The following FBXO11 variants were observed in gnomAD, a reference collection of about 807,000 sequenced individuals.
FBXO11 encodes the protein F-box only protein 11.
Under a neutral mutation model 117.0 loss-of-function variants are expected in FBXO11, and 13 were observed. The ratio of observed to expected loss-of-function variants is 0.11; its 90% CI spans 0.07 to 0.18. The LOEUF is 0.18. FBXO11 is among the 10% of genes least tolerant of loss of function. FBXO11 has a pLI of 1.00. For synonymous variants in FBXO11, 490 were observed against 380.5 expected, an observed-to-expected ratio of 1.29 and a Z score of -3.35; for missense variants, 767 against 1,164.4, an observed-to-expected ratio of 0.66 and a Z score of 4.97.
chr2:47,906,314 C>A lies in FBXO11; in HGVS notation c.-594G>T, dbSNP rs1047630196. ...CTTCGGTCTCTTCTCTCTCCTCCCC[C>A]CCTTCTCTCCTCGGCGAAGGGGAAA... On this transcript the variant is annotated 5_prime_UTR_variant, in exon 1 of 23. Transcript: ENST00000403359. 1.1e-4 allele frequency among the ~76,000 whole-genome samples: 16 copies of A among 152,284 alleles called. No individual in the cohort carries two copies. The South Asian group carries it at 1.9e-3, about 18-fold the overall frequency.
Position 47,899,907 on chromosome 2 carries a change from A to G in FBXO11, c.232+5582T>C, listed in dbSNP as rs569364066. On this transcript the variant is annotated intron_variant, in intron 1 of 22. Coordinates refer to ENST00000403359, the MANE Select transcript of FBXO11 (RefSeq NM_001190274.2). ...AAAAGACCTCATGTTGAAATAGCTC[A>G]TTACTGTAAACTGGTTATTTTCAAA... 2.6e-5 allele frequency among the ~76,000 whole-genome samples: 4 copies of G among 151,186 alleles called. No individual in the cohort carries two copies. In the East Asian group the frequency reaches 7.9e-4, roughly 30 times the overall value.
chr2:47,871,664 G>T (rs1055454919), intron 1 of FBXO11, among the ~76,000 whole-genome samples: 1 of 151,974 alleles, frequency 6.6e-6, no homozygotes, highest in Non-Finnish European at 1.5e-5. Flanking sequence ...TTTATATTAG[G>T]GTGGCTATCT....
At chr2:47,833,186 C>T (rs1328666710) in intron 7 of FBXO11, 116 bp from the exon 8 acceptor site, 9 of 650,338 alleles carry the variant, frequency 1.4e-5, no homozygotes, top group South Asian at 9.4e-5. Context: ...CTAATATTCA[C>T]TATCAGTTAA....
At chr2:47,860,433 C>CA (rs1393596864) in intron 1 of FBXO11, among the ~76,000 whole-genome samples, 185 of 143,184 alleles carry the variant, frequency 1.3e-3, no homozygotes, top group African/African-American at 4.8e-3. Context: ...TTTTTGGAGA[C>CA]AGAGTCTGGC....
Position 47,810,771 on chromosome 2 carries a change from A to G in FBXO11, c.2228-345T>C, listed in dbSNP as rs3771285. ...CTAATTCCTTTGAAATATTTCTAGAACCTTTGTATCCTCTTTGTTTTTAGT... is the reference window on the plus strand; with the variant it reads ...CTAATTCCTTTGAAATATTTCTAGAGCCTTTGTATCCTCTTTGTTTTTAGT... On this transcript the variant is annotated intron_variant, in intron 18 of 22. Transcript: ENST00000403359. The G allele has an allele frequency of 8.6e-3, 1,477 of 171,986 alleles. 36 individuals are homozygous for G. The highest frequency in any genetic ancestry group is 0.049 in the East Asian group (311 of 6,338). 10.7% of individuals were successfully genotyped at this position (171,986 alleles called of 1,614,324 possible).
rs552200808 is a variant in FBXO11, at chr2:47,868,918, G to T, written c.233-29149C>A. Among the ~76,000 whole-genome samples, 10 of 152,342 alleles carry T rather than the reference G, an allele frequency of 6.6e-5. No homozygotes were observed. In the South Asian group the frequency reaches 2.1e-3, roughly 32 times the overall value. ...GACACTTCACAGCAAATGAAAGGCA[G>T]CAATGGGCCCATGTTCATGGAATTC... On this transcript the variant is annotated intron_variant, in intron 1 of 22. Transcript: ENST00000403359.
intron 4 of FBXO11, 93 bp downstream of exon 4, chr2:47,838,766 T>C (rs1672788023): frequency 1.7e-6 from 2 of 1,180,618 alleles, no homozygotes; most frequent in Non-Finnish European, 2.4e-6. Flanking sequence ...TAATTGTAAC[T>C]ACCAACTCAC....
At chr2:47,824,932 T>C (rs1002574263) in intron 11 of FBXO11, among the ~76,000 whole-genome samples, 7 of 152,224 alleles carry the variant, frequency 4.6e-5, no homozygotes, top group Non-Finnish European at 7.3e-5. Context: ...CGGCACTAAG[T>C]ATTTTTCTCA....
At chr2:47,833,287 T>C (rs1195802753) in intron 7 of FBXO11, among the ~76,000 whole-genome samples, 1 of 152,160 alleles carries the variant, frequency 6.6e-6, no homozygotes, top group Non-Finnish European at 1.5e-5. Context: ...GAATATAAAA[T>C]GCAACGGCAT....
At position 47,834,750 on chromosome 2, in the gene FBXO11, T is replaced by C. The variant is rs773116948; in HGVS notation, c.801+38A>G. The stretch of plus-strand genomic sequence containing the variant: ...AATGTGTCAGTACAGAACTGAAAGA[T>C]TACCATTTTAAGTCATAAAAATAAA... On this transcript the variant is annotated intron_variant, in intron 6 of 22. Transcript: ENST00000403359. 3.0e-5 allele frequency: 48 copies of C among 1,608,238 alleles called. No homozygotes were observed. The South Asian group carries it at 5.1e-4, about 17-fold the overall frequency.
In FBXO11 at chr2:47,899,059, G is replaced by C. The variant is rs371762043; in HGVS notation, c.232+6430C>G. ...GGAGGCCGAGGCGGGCGGATCACGA[G>C]GTCAGGAGATCGAGACCATCCTGGC... On this transcript the variant is annotated intron_variant, in intron 1 of 22. Coordinates refer to ENST00000403359, the MANE Select transcript of FBXO11 (RefSeq NM_001190274.2). 4.4e-3 allele frequency among the ~76,000 whole-genome samples: 666 copies of C among 152,122 alleles called. 4 individuals are homozygous for C. The highest frequency in any genetic ancestry group is 0.015 in the African/African-American group (640 of 41,512).
intron 1 of FBXO11, among the ~76,000 whole-genome samples, chr2:47,874,388 G>A (rs1675842844): frequency 6.6e-6 from 1 of 151,862 alleles, no homozygotes; most frequent in African/African-American, 2.4e-5. Context: ...TCCAAAGGAT[G>A]CCTTAAAAAT....
intron 16 of FBXO11, among the ~76,000 whole-genome samples, chr2:47,817,525 T>C (rs186886486): frequency 6.6e-6 from 1 of 152,386 alleles, no homozygotes; most frequent in East Asian, 1.9e-4. Context: ...ACAACTTAGC[T>C]AACTGGACAA....
At chr2:47,855,055 CATGAAA>C (rs1318575542) in intron 1 of FBXO11, among the ~76,000 whole-genome samples, 7 of 152,010 alleles carry the variant, frequency 4.6e-5, no homozygotes, top group African/African-American at 1.7e-4. Flanking sequence ...CAAAATAGAA[CATGAAA>C]TCAGGAATCA....
intron 1 of FBXO11, among the ~76,000 whole-genome samples, chr2:47,871,937 T>C (rs1429198013): frequency 2.0e-5 from 3 of 152,242 alleles, no homozygotes; most frequent in Non-Finnish European, 2.9e-5. Flanking sequence ...TATTTTGATG[T>C]TTTTAATTTA....
intron 13 of FBXO11, among the ~76,000 whole-genome samples, chr2:47,821,267 C>G (rs1671358036): frequency 6.6e-6 from 1 of 151,976 alleles, no homozygotes; most frequent in Non-Finnish European, 1.5e-5. Flanking sequence ...CACTTGAGGC[C>G]AGGAGTTCAA....
chr2:47,899,064 G>A (rs1407309586), intron 1 of FBXO11, among the ~76,000 whole-genome samples: 2 of 152,158 alleles, frequency 1.3e-5, no homozygotes, highest in African/African-American at 4.8e-5. Flanking sequence ...CACGAGGTCA[G>A]GAGATCGAGA....
intron 1 of FBXO11, among the ~76,000 whole-genome samples, chr2:47,885,162 T>C (rs1271084465): frequency 2.6e-5 from 4 of 152,132 alleles, no homozygotes; most frequent in Non-Finnish European, 5.9e-5. Flanking sequence ...GGCTGAGATA[T>C]GGAAAAGCCA....
intron 20 of FBXO11, 141 bp from the exon 21 acceptor site, chr2:47,809,407 A>C: frequency 2.9e-6 from 2 of 685,414 alleles, no homozygotes; most frequent in Non-Finnish European, 4.8e-6. Flanking sequence ...ATTGTAAGAA[A>C]TCAGCTAAGA....
Sources: gnomAD v4.1 joint callset for allele counts (sites outside exome capture counted in the v4.1 genomes callset) on GRCh38, gnomAD v4.1.1 for gene constraint, MANE v1.5 for transcripts, NCBI Gene and HGNC (gene_info 2026-07-23, HGNC 2026-07-21) for gene names.